Variants in CTNNB1 observed in about 807,000 individuals in gnomAD.
The protein encoded by CTNNB1 is catenin beta-1.
CTNNB1 carries 6 observed loss-of-function variants against 82.5 expected under a neutral mutation model. That is an observed-to-expected ratio of 0.07 (90% confidence interval 0.04 to 0.14). CTNNB1 has a LOEUF of 0.14. CTNNB1 is among the 10% of genes least tolerant of loss of function. CTNNB1 has a pLI of 1.00. For synonymous variants in CTNNB1, 312 were observed against 329.7 expected (o/e 0.95, Z 0.58); for missense variants, 529 against 980.4 (o/e 0.54, Z 6.15).
rs2125623637 is a variant in CTNNB1, at chr3:41,225,587, C to T, written c.734+15C>T. ...AAAATGCTTGGGTAAGAAAACATGT[C>T]AGAATGCTTGAAGCTAAAAAGTAGA... On this transcript the variant is annotated intron_variant, in intron 5 of 14. Coordinates refer to ENST00000349496, the MANE Select transcript of CTNNB1 (RefSeq NM_001904.4). This position sits in a 1 kb window ranked among gnomAD's most constrained non-coding sequence, Gnocchi z 5.3. The T allele has an allele frequency of 1.2e-6, 2 of 1,613,998 alleles. No individual in the cohort carries two copies. The highest frequency in any genetic ancestry group is 1.7e-6 in the Non-Finnish European group (2 of 1,179,876).
chr3:41,215,649 G>T (rs149026090), intron 1 of CTNNB1, among the ~76,000 whole-genome samples: 215 of 152,186 alleles, frequency 1.4e-3, no homozygotes, highest in African/African-American at 4.9e-3. Context: ...AAAGGTCAGC[G>T]TGCTGGTATA....
chr3:41,204,603 T>C (rs2077607579), intron 1 of CTNNB1, among the ~76,000 whole-genome samples: 1 of 152,218 alleles, frequency 6.6e-6, no homozygotes, highest in Non-Finnish European at 1.5e-5. Context: ...CCAGCCACTG[T>C]GTGGGAATAT....
intron 13 of CTNNB1, 135 bp from the exon 14 acceptor site, chr3:41,237,881 T>C (rs1035131719): frequency 2.6e-6 from 2 of 761,062 alleles, no homozygotes; most frequent in Non-Finnish European, 4.7e-6. Context: ...AACTTCCATT[T>C]TCTAAGCATT....
chr3:41,209,742 T>C (rs543322829), intron 1 of CTNNB1, among the ~76,000 whole-genome samples: 94 of 152,232 alleles, frequency 6.2e-4, no homozygotes, highest in Non-Finnish European at 1.1e-3. Flanking sequence ...TATTGAAACA[T>C]AGAAAAAGTA....
At chr3:41,228,880 C>G (rs926646554) in intron 7 of CTNNB1, among the ~76,000 whole-genome samples, 1 of 152,170 alleles carries the variant, frequency 6.6e-6, no homozygotes, top group African/African-American at 2.4e-5. Context: ...AGTCTTTAAT[C>G]CATTCTGAGT....
chr3:41,238,277 T>A (rs923921877), intron 14 of CTNNB1: 15 of 600,318 alleles, frequency 2.5e-5, no homozygotes, highest in Non-Finnish European at 3.9e-5. Flanking sequence ...TGAGTAGCAG[T>A]AGGATTACAC....
intron 7 of CTNNB1, among the ~76,000 whole-genome samples, chr3:41,228,274 G>C (rs561049622): frequency 1.3e-5 from 2 of 152,000 alleles, no homozygotes; most frequent in African/African-American, 4.8e-5. Context: ...AATTCTGTCA[G>C]GTTTTTTGAG....
In CTNNB1 at chr3:41,233,522, T is replaced by G. The variant is rs2078360180; in HGVS notation, c.1186-7T>G. ...CTTGTACTGACCATCTGTTTTTATCTCCATAGGAAGGGATGGAAGGTCTCC... is the reference window on the plus strand; with the variant it reads ...CTTGTACTGACCATCTGTTTTTATCGCCATAGGAAGGGATGGAAGGTCTCC... On this transcript the variant is annotated splice_region_variant and splice_polypyrimidine_tract_variant and intron_variant, in intron 8 of 14. Coordinates refer to ENST00000349496, the MANE Select transcript of CTNNB1 (RefSeq NM_001904.4). 6.2e-7 allele frequency: 1 copy of G among 1,613,912 alleles called. No individual in the cohort carries two copies. Among genetic ancestry groups the G allele is most frequent in the Non-Finnish European group, 8.5e-7 (1 of 1,179,900 alleles).
rs1392834071 is a variant in CTNNB1, at chr3:41,225,699, T to C, written c.774T>C (p.Thr258=). The C allele has an allele frequency of 6.2e-7, 1 of 1,614,154 alleles. No homozygotes were observed. The highest frequency in any genetic ancestry group is 8.5e-7 in the Non-Finnish European group (1 of 1,180,010). Residue 258 remains threonine (T), a synonymous_variant, in exon 6 of 15, where the codon ACT becomes ACC. Coordinates refer to ENST00000349496, the MANE Select transcript of CTNNB1 (RefSeq NM_001904.4). This position sits in a 1 kb window ranked among gnomAD's most constrained non-coding sequence, Gnocchi z 5.3. Reference sequence around the variant, plus strand: ...CTGTGTTGTTTTATGCCATTACAACTCTCCACAACCTTTTATTACATCAAG... The same window carrying C: ...CTGTGTTGTTTTATGCCATTACAACCCTCCACAACCTTTTATTACATCAAG... ...VDSVLFYAIT[T]LHNLLLHQEG... is the part of the protein sequence containing the mutation.
intron 11 of CTNNB1, 65 bp downstream of exon 11, chr3:41,235,908 A>G: frequency 6.4e-7 from 1 of 1,573,542 alleles, no homozygotes; most frequent in Non-Finnish European, 8.7e-7. Flanking sequence ...AATGACTAAT[A>G]ACATTTCAGA....
At chr3:41,210,466 A>G (rs1199774614) in intron 1 of CTNNB1, among the ~76,000 whole-genome samples, 2 of 152,066 alleles carry the variant, frequency 1.3e-5, no homozygotes, top group East Asian at 1.9e-4. Flanking sequence ...AAAAAAAACA[A>G]ACAAAAAACT....
rs74692094 is a variant in CTNNB1 at position 41,233,414 on chromosome 3, C to G, written c.1155C>G (p.Leu385=). 8 of 1,614,170 alleles carry G rather than the reference C, an allele frequency of 5.0e-6. No homozygotes were observed. The highest frequency in any genetic ancestry group is 2.2e-5 in the East Asian group (1 of 44,874). The change falls in exon 8 of 15, where the codon CTC becomes CTG. Residue 385 remains leucine, a synonymous_variant. Transcript: ENST00000349496. ...QRLVQNCLWT[L]RNLSDAATKQ... ...TTGTTCAGAACTGTCTTTGGACTCT[C>G]AGGAATCTTTCAGATGCTGCAACTA...
Position 41,224,522 on chromosome 3 carries a change from A to G in CTNNB1, c.14-4A>G, listed in dbSNP as rs5743391. 1.4e-3 allele frequency: 2,261 copies of G among 1,612,842 alleles called. 40 individuals are homozygous for G. In the African/African-American group the frequency reaches 0.026, roughly 19 times the overall value. On this transcript the variant is annotated splice_region_variant and splice_polypyrimidine_tract_variant and intron_variant, in intron 2 of 14. Transcript: ENST00000349496. ...CTAATGCTAATACTGTTTCGTATTT[A>G]TAGCTGATTTGATGGAGTTGGACAT...
intron 2 of CTNNB1, 75 bp downstream of exon 2, chr3:41,224,156 C>A (rs967771421): frequency 4.0e-6 from 6 of 1,515,696 alleles, no homozygotes; most frequent in Non-Finnish European, 5.5e-6. Flanking sequence ...GGCTGAGATC[C>A]CCCTGCTTTC....
intron 1 of CTNNB1, among the ~76,000 whole-genome samples, chr3:41,206,883 C>T (rs534250557): frequency 2.0e-5 from 3 of 152,314 alleles, no homozygotes; most frequent in South Asian, 2.1e-4. Context: ...CCTCAAACTT[C>T]GCTTATACTT....
chr3:41,217,690 T>G (rs946365892), intron 1 of CTNNB1, among the ~76,000 whole-genome samples: 51 of 152,326 alleles, frequency 3.3e-4, no homozygotes, highest in African/African-American at 1.2e-3. Context: ...TTTCACCATA[T>G]CCTTATTAGC....
rs2125641864 is a variant in CTNNB1, at chr3:41,234,168, C to T, written c.1554C>T (p.Ala518=). Residue 518 remains alanine, a synonymous_variant, in exon 10 of 15, where the codon GCC becomes GCT. Transcript: ENST00000349496. The part of the protein sequence containing the change: ...KATVGLIRNL[A]LCPANHAPLR... ...CTGTTGGATTGATTCGAAATCTTGC[C>T]CTTTGTCCCGCAAATCATGCACCTT... 1 of 1,614,120 alleles carries T rather than the reference C, an allele frequency of 6.2e-7. No homozygotes were observed.
At chr3:41,224,298 C>T (rs2078121309) in intron 2 of CTNNB1, 1 of 705,284 alleles carries the variant, frequency 1.4e-6, no homozygotes, top group East Asian at 2.7e-5. Context: ...AGCCTGGATG[C>T]AGTACCATTC....
At position 41,240,212 on chromosome 3, in the gene CTNNB1, C is replaced by G. The variant is rs943507491; in HGVS notation, c.*870C>G. 5.6e-5 allele frequency: 11 copies of G among 198,024 alleles called. No individual in the cohort carries two copies. The highest frequency in any genetic ancestry group is 9.2e-5 in the African/African-American group (4 of 43,262). 12.3% of individuals were successfully genotyped at this position (198,024 alleles called of 1,614,324 possible). ...AATAGAAAATGGTCCAATTAGTTTC[C>G]TTTTTAATATGCTTAAAATAAGCAG... On this transcript the variant is annotated 3_prime_UTR_variant, in exon 15 of 15. Transcript: ENST00000349496.
Sources: allele counts gnomAD v4.1 joint callset (sites outside exome capture counted in the v4.1 genomes callset), GRCh38; gene constraint gnomAD v4.1.1; non-coding constraint Gnocchi (gnomAD v3.1); transcripts MANE v1.5; gene names NCBI Gene and HGNC (gene_info 2026-07-23, HGNC 2026-07-21).